Variants in ZFHX3 observed in about 807,000 individuals in gnomAD.
ZFHX3 encodes zinc finger homeobox 3, also known as zinc finger homeobox protein 3.
Under a neutral mutation model 279.1 loss-of-function variants are expected in ZFHX3, and 42 were observed. The observed-to-expected ratio is 0.15, with a 90% CI of 0.12 to 0.19. The LOEUF (loss-of-function observed/expected upper bound fraction) is 0.19. ZFHX3 is among the 10% of genes least tolerant of loss of function. The pLI, the probability that ZFHX3 is intolerant of heterozygous loss-of-function variation, is 1.00. For synonymous variants in ZFHX3, 2,293 were observed against 1,957.8 expected (o/e 1.17, Z -4.52); for missense variants, 4,981 against 4,754.0 (o/e 1.05, Z -1.40).
intron 1 of ZFHX3, among the ~76,000 whole-genome samples, chr16:72,960,518 G>A (rs1258750791): frequency 3.3e-5 from 5 of 152,104 alleles, no homozygotes; most frequent in Admixed American, 6.5e-5. Flanking sequence ...GCATAGCTTC[G>A]ATGGGCCACA....
At chr16:73,111,712 G>A (rs1230174341) in intron 7 of ZFHX3, among the ~76,000 whole-genome samples, 1 of 150,626 alleles carries the variant, frequency 6.6e-6, no homozygotes, top group Non-Finnish European at 1.5e-5. Flanking sequence ...AAGGAAGAAA[G>A]AAAGGAAAGA....
chr16:72,803,627 C>A (rs1165288499), intron 7 of ZFHX3, among the ~76,000 whole-genome samples: 1 of 152,180 alleles, frequency 6.6e-6, no homozygotes, highest in Admixed American at 6.5e-5. Context: ...GAAAAAAGTT[C>A]TAAGGTTTGG....
chr16:72,849,697 T>C (rs2037564033), intron 4 of ZFHX3, among the ~76,000 whole-genome samples: 1 of 152,030 alleles, frequency 6.6e-6, no homozygotes, highest in Admixed American at 6.5e-5. Flanking sequence ...AGCGTTCTTA[T>C]TGGCATATCA....
intron 4 of ZFHX3, among the ~76,000 whole-genome samples, chr16:72,882,197 GC>G (rs2038494933): frequency 3.5e-5 from 4 of 114,446 alleles, no homozygotes; most frequent in African/African-American, 1.4e-4. Context: ...TTTTTGCTGT[GC>G]CAAAAAAAAC....
intron 2 of ZFHX3, among the ~76,000 whole-genome samples, chr16:73,456,652 C>G (rs1222649423): frequency 6.6e-6 from 1 of 152,182 alleles, no homozygotes; most frequent in African/African-American, 2.4e-5. Context: ...TGTTTCAGTT[C>G]TGAAGAGTAG....
At chr16:73,782,943 C>G (rs1959522897) in intron 1 of ZFHX3, among the ~76,000 whole-genome samples, 2 of 152,222 alleles carry the variant, frequency 1.3e-5, no homozygotes, top group African/African-American at 4.8e-5. Flanking sequence ...TTCCAACTAA[C>G]TCAATAGGTG....
chr16:73,493,341 A>C (rs1437060739), intron 2 of ZFHX3, among the ~76,000 whole-genome samples: 1 of 152,180 alleles, frequency 6.6e-6, no homozygotes, highest in South Asian at 2.1e-4. Context: ...TTTTTTTTCC[A>C]GAAACTTCCA....
intron 7 of ZFHX3, among the ~76,000 whole-genome samples, chr16:73,128,339 G>A (rs1422360806): frequency 1.3e-5 from 2 of 152,238 alleles, no homozygotes; most frequent in African/African-American, 2.4e-5. Flanking sequence ...GTGCAGGCAC[G>A]GCAAAAGCTC....
At chr16:72,822,107 A>G (rs1210263933) in intron 5 of ZFHX3, 1 of 152,230 alleles carries the variant, frequency 6.6e-6, no homozygotes, top group Non-Finnish European at 1.5e-5. Context: ...AAGTAGAATA[A>G]CTTGGACTTA....
chr16:73,036,991 T>A (rs1006268232), intron 1 of ZFHX3, among the ~76,000 whole-genome samples: 7 of 152,194 alleles, frequency 4.6e-5, no homozygotes, highest in Admixed American at 2.0e-4. Flanking sequence ...CATCCAAAAA[T>A]CAGAAGAACT....
At chr16:72,838,418 G>A (rs1446251917) in intron 4 of ZFHX3, among the ~76,000 whole-genome samples, 1 of 152,202 alleles carries the variant, frequency 6.6e-6, no homozygotes, top group Non-Finnish European at 1.5e-5. Context: ...GCCTGGGGGA[G>A]CCTCTCCATT....
rs543201609 is a variant in ZFHX3 at position 73,479,603 on chromosome 16, C to A, written c.-1546-23345G>T. ...TGTTAACACGCCTGCCTCCTTCAAC[C>A]TGTGATCAGCTTGAGGGAGGGCACT... is the stretch of plus-strand genomic sequence containing the variant. On this transcript the variant is annotated intron_variant, in intron 2 of 17. Transcript: ENST00000641206. Among the ~76,000 whole-genome samples, 25 of 152,332 alleles carry A rather than the reference C, an allele frequency of 1.6e-4. No homozygotes were observed. In the South Asian group the frequency reaches 1.9e-3, roughly 11 times the overall value.
intron 1 of ZFHX3, among the ~76,000 whole-genome samples, chr16:72,998,706 T>G (rs1340747967): frequency 6.6e-6 from 1 of 152,214 alleles, no homozygotes; most frequent in Non-Finnish European, 1.5e-5. Context: ...CCCACTGTAA[T>G]AATTCATGCT....
At chr16:73,168,798 G>T (rs1028717182) in intron 5 of ZFHX3, among the ~76,000 whole-genome samples, 3 of 152,094 alleles carry the variant, frequency 2.0e-5, no homozygotes, top group African/African-American at 7.2e-5. Flanking sequence ...CTGGGTTTCA[G>T]CAATACCGAC....
chr16:72,957,366 T>A, intron 2 of ZFHX3, 61 bp downstream of exon 2: 1 of 1,530,916 alleles, frequency 6.5e-7, no homozygotes, highest in Non-Finnish European at 8.8e-7. Context: ...CTCACCCTAT[T>A]CACCATTCTC....
intron 3 of ZFHX3, among the ~76,000 whole-genome samples, chr16:72,902,755 G>A (rs987323004): frequency 2.2e-4 from 34 of 152,004 alleles, no homozygotes; most frequent in Admixed American, 6.6e-5. Context: ...TTGAGACACC[G>A]TTTTCAGAGC....
chr16:73,789,265 A>C (rs1959753661), intron 1 of ZFHX3, among the ~76,000 whole-genome samples: 1 of 151,572 alleles, frequency 6.6e-6, no homozygotes, highest in Non-Finnish European at 1.5e-5. Context: ...ACTATAACCA[A>C]CGCCTCCCAG....
rs1567508607 is a variant in ZFHX3, at chr16:72,788,470, G to A, written c.9806C>T (p.Ala3269Val). The change falls in exon 10 of 10, where the codon GCA becomes GTA. Residue 3269 changes from alanine (A) to valine (V), a missense_variant. Transcript: ENST00000268489. ...KEKGEAPTAT[A>V]ATISAPLPTM... The stretch of plus-strand genomic sequence containing the variant: ...GGGCAGCGGGGCTGAGATCGTGGCT[G>A]CAGTTGCCGTGGGGGCCTCTCCTTT... 6.2e-7 allele frequency: 1 copy of A among 1,614,226 alleles called. No individual in the cohort carries two copies. Among genetic ancestry groups the A allele is most frequent in the Non-Finnish European group, 8.5e-7 (1 of 1,180,036 alleles).
chr16:72,888,135 T>C (rs974762928), intron 4 of ZFHX3, among the ~76,000 whole-genome samples: 1 of 152,152 alleles, frequency 6.6e-6, no homozygotes, highest in Non-Finnish European at 1.5e-5. Context: ...GCTGATCCCC[T>C]GGAAAAGGGG....
Sources: gnomAD v4.1 joint callset for allele counts (sites outside exome capture counted in the v4.1 genomes callset) on GRCh38, gnomAD v4.1.1 for gene constraint, MANE v1.5 for transcripts, NCBI Gene and HGNC (gene_info 2026-07-23, HGNC 2026-07-21) for gene names.